FILIP1: variants seen among roughly 807,000 people sequenced by gnomAD.
FILIP1 encodes filamin A interacting protein 1.
FILIP1 carries 61 observed loss-of-function variants against 102.1 expected under a neutral mutation model. That is an observed-to-expected ratio of 0.60 (90% CI 0.49 to 0.74). The LOEUF (loss-of-function observed/expected upper bound fraction) is 0.74. Among genes scored for constraint, FILIP1 ranks in the 30% least tolerant of loss-of-function variants. The pLI, the probability that FILIP1 is intolerant of heterozygous loss-of-function variation, is 0.00. For missense variants in FILIP1, 1,314 were observed against 1,441.2 expected, an observed-to-expected ratio of 0.91 and a Z score of 1.43; for synonymous variants, 491 against 526.9, an observed-to-expected ratio of 0.93 and a Z score of 0.93.
At chr6:75,316,405 T>C (rs980869204) in intron 4 of FILIP1, among the ~76,000 whole-genome samples, 1 of 152,162 alleles carries the variant, frequency 6.6e-6, no homozygotes, top group Non-Finnish European at 1.5e-5. Flanking sequence ...TTCTGACTGA[T>C]TAATTTCATA....
chr6:75,372,702 AAAGAAAGAAAG>A (rs1775592168), intron 2 of FILIP1, among the ~76,000 whole-genome samples: 2 of 58,234 alleles, frequency 3.4e-5, no homozygotes, highest in East Asian at 3.3e-4. Context: ...AAAGAGAAAG[AAAGAAAGAAAG>A]GAAAGAAAGA....
chr6:75,432,884 A>G (rs1777876182), intron 1 of FILIP1, among the ~76,000 whole-genome samples: 1 of 150,410 alleles, frequency 6.6e-6, no homozygotes. Context: ...CCCTGTGTCC[A>G]TGTGTATTGT....
intron 4 of FILIP1, among the ~76,000 whole-genome samples, chr6:75,342,079 C>A (rs1379701018): frequency 6.6e-6 from 1 of 152,166 alleles, no homozygotes; most frequent in Admixed American, 6.5e-5. Flanking sequence ...GGTTAAATAA[C>A]CTATCCAAAG....
chr6:75,357,778 T>A lies in FILIP1; in HGVS notation c.451-4061A>T, dbSNP rs531080278. On this transcript the variant is annotated intron_variant, in intron 3 of 5. Coordinates refer to ENST00000237172, the MANE Select transcript of FILIP1 (RefSeq NM_015687.5). ...AGATGCTGTTTCTTGTTTTTTTGTT[T>A]GGAACTACATCAGTCACCTAAGAGA... Among the ~76,000 whole-genome samples the A allele has an allele frequency of 3.3e-5, 5 of 152,344 alleles. No homozygotes were observed. The South Asian group carries it at 1.0e-3, about 32-fold the overall frequency.
chr6:75,313,764 T>C lies in FILIP1; in HGVS notation c.2068A>G (p.Lys690Glu). The change falls in exon 5 of 6, where the codon AAG becomes GAG. Residue 690 changes from lysine to glutamate, a missense_variant. By Grantham distance (56) the Lys-to-Glu change is moderately conservative. Transcript: ENST00000237172. The surrounding 1 kb of genome is among the most constrained non-coding windows in gnomAD (Gnocchi z 4.2). ...TCACCCTTCTCTATTGCTTTATTCT[T>C]GGCAATTTGGTGCTTGATCTCCTCT... is the stretch of plus-strand genomic sequence containing the variant. ...QLEEIKHQIA[K>E]NKAIEKGEVV... 6.3e-7 allele frequency: 1 copy of C among 1,596,904 alleles called. No individual in the cohort carries two copies. The highest frequency in any genetic ancestry group is 8.5e-7 in the Non-Finnish European group (1 of 1,173,836).
intron 2 of FILIP1, among the ~76,000 whole-genome samples, chr6:75,413,280 T>A (rs1349726273): frequency 2.6e-5 from 4 of 152,156 alleles, no homozygotes; most frequent in Non-Finnish European, 5.9e-5. Flanking sequence ...GTCAATAGCT[T>A]TCGGCTGGGG....
At chr6:75,304,633 G>A (rs1772930354), downstream of FILIP1, among the ~76,000 whole-genome samples, 1 of 152,298 alleles carries the variant, frequency 6.6e-6, no homozygotes, top group South Asian at 2.1e-4. Context: ...GGAAAGAGAA[G>A]GGATAAGTGA....
chr6:75,338,286 G>T (rs1334975121), intron 4 of FILIP1, among the ~76,000 whole-genome samples: 5 of 152,156 alleles, frequency 3.3e-5, no homozygotes, highest in Non-Finnish European at 7.3e-5. Flanking sequence ...ATAGTTTCTT[G>T]GCTAAGAGTT....
chr6:75,307,865 C>A (rs1275861555), downstream of FILIP1, among the ~76,000 whole-genome samples: 1 of 152,182 alleles, frequency 6.6e-6, no homozygotes. Context: ...TTACTTTCTG[C>A]TATTTTCTAT....
At chr6:75,363,201 G>C (rs1170306722) in intron 2 of FILIP1, among the ~76,000 whole-genome samples, 8 of 152,098 alleles carry the variant, frequency 5.3e-5, no homozygotes, top group Non-Finnish European at 1.0e-4. Context: ...GGGATGGGGT[G>C]GGGGAGGGAG....
At chr6:75,383,431 T>C (rs1361050817) in intron 2 of FILIP1, among the ~76,000 whole-genome samples, 3 of 152,170 alleles carry the variant, frequency 2.0e-5, no homozygotes, top group Admixed American at 6.5e-5. Flanking sequence ...TTTACAGTGG[T>C]AAATTATCTC....
chr6:75,319,218 C>T (rs1773554088), intron 4 of FILIP1: 4 of 751,600 alleles, frequency 5.3e-6, no homozygotes, highest in Non-Finnish European at 7.2e-6. Flanking sequence ...CCTTCAGCTT[C>T]GCAGCCTTCT....
chr6:75,332,150 C>G (rs1029365638), intron 4 of FILIP1, among the ~76,000 whole-genome samples: 16 of 152,106 alleles, frequency 1.1e-4, no homozygotes, highest in Admixed American at 3.9e-4. Flanking sequence ...CTGAATGAAC[C>G]AAGACAGCAG....
intron 1 of FILIP1, among the ~76,000 whole-genome samples, chr6:75,425,685 CA>C (rs1777603875): frequency 6.6e-6 from 1 of 152,100 alleles, no homozygotes; most frequent in Non-Finnish European, 1.5e-5. Flanking sequence ...CTGGACAAGT[CA>C]CTTAACTCTC....
At position 75,339,756 on chromosome 6, in the gene FILIP1, T is replaced by C. The variant is rs1774359441; in HGVS notation, c.629+13783A>G. 2.0e-5 allele frequency among the ~76,000 whole-genome samples: 3 copies of C among 152,162 alleles called. No homozygotes were observed. The South Asian group carries it at 6.2e-4, about 32-fold the overall frequency. ...TGAGGTCAGGAGTTTGAGACCAGCC[T>C]GGCCAATAGGGCGAAACCCAGTCTC... On this transcript the variant is annotated intron_variant, in intron 4 of 5. Coordinates refer to ENST00000237172, the MANE Select transcript of FILIP1 (RefSeq NM_015687.5).
downstream of FILIP1, among the ~76,000 whole-genome samples, chr6:75,306,274 C>T (rs948863755): frequency 1.3e-5 from 2 of 152,162 alleles, no homozygotes; most frequent in Non-Finnish European, 2.9e-5. Context: ...ACATCCTGTA[C>T]ACGCACTGTT....
At chr6:75,468,941 C>A (rs1326330046) in intron 1 of FILIP1, among the ~76,000 whole-genome samples, 2 of 151,890 alleles carry the variant, frequency 1.3e-5, no homozygotes, top group African/African-American at 2.4e-5. Context: ...TTATATCCAA[C>A]CAAACTATCA....
chr6:75,315,026 T>C lies in FILIP1; in HGVS notation c.806A>G (p.Gln269Arg). 6.2e-7 allele frequency: 1 copy of C among 1,614,160 alleles called. No individual in the cohort carries two copies. The highest frequency in any genetic ancestry group is 8.5e-7 in the Non-Finnish European group (1 of 1,180,012). Reference protein sequence around the residue: ...EQLGLQSQKVQDLTQKLREEE... With the variant: ...EQLGLQSQKVRDLTQKLREEE... The stretch of plus-strand genomic sequence containing the variant: ...TTCCCTCAGCTTCTGAGTAAGATCC[T>C]GTACTTTCTGGCTTTGCAGGCCAAG... The change falls in exon 5 of 6, where the codon CAG (glutamine) becomes CGG (arginine). Residue 269 changes from glutamine (Q) to arginine (R), a missense_variant. Physicochemically the swap from Gln to Arg is conservative, Grantham distance 43. Transcript: ENST00000237172.
intron 2 of FILIP1, among the ~76,000 whole-genome samples, chr6:75,388,976 T>C (rs1233340080): frequency 6.6e-6 from 1 of 152,236 alleles, no homozygotes; most frequent in Non-Finnish European, 1.5e-5. Context: ...CTTCCAGCTT[T>C]TGCCCATTCA....
Sources: gnomAD v4.1 joint callset for allele counts (sites outside exome capture counted in the v4.1 genomes callset) on GRCh38, gnomAD v4.1.1 for gene constraint, Gnocchi (gnomAD v3.1) non-coding constraint, MANE v1.5 for transcripts, NCBI Gene and HGNC (gene_info 2026-07-23, HGNC 2026-07-21) for gene names.